Variants in STRC observed in about 807,000 individuals in gnomAD.
STRC encodes stereocilin.
Under a neutral mutation model 103.5 loss-of-function variants are expected in STRC, and 43 were observed. That is an observed-to-expected ratio of 0.42 (90% CI 0.33 to 0.54). The LOEUF is 0.54. Ranked by LOEUF, STRC falls within the 20% of genes least tolerant of loss-of-function variation. The probability of loss-of-function intolerance (pLI) is 0.14; values close to 1 mark genes in which losing one functional copy is unlikely to be tolerated. For synonymous variants in STRC, 186 were observed against 442.3 expected, an observed-to-expected ratio of 0.42 and a Z score of 7.27; for missense variants, 499 against 1,088.5, an observed-to-expected ratio of 0.46 and a Z score of 7.62.
rs764395901 is a variant in STRC at position 43,604,199 on chromosome 15, G to A, written c.4219-47C>T. On this transcript the variant is annotated intron_variant, in intron 21 of 28. Transcript: ENST00000450892. ...GAGTGGGGAGATCTGGACAGATCAG[G>A]ACCTGCTGCTATAGCTCTAAGTCCA... is the stretch of plus-strand genomic sequence containing the variant. 3.7e-6 allele frequency: 6 copies of A among 1,606,458 alleles called. No homozygotes were observed. In the Admixed American group the frequency reaches 6.7e-5, roughly 18 times the overall value.
rs151185026 is a variant in STRC, at chr15:43,603,497, C to A, written c.4376-86G>T. 1,168 of 1,408,990 alleles carry A rather than the reference C, an allele frequency of 8.3e-4. 15 individuals carry two copies. The African/African-American group carries it at 0.014, about 17-fold the overall frequency. 87.3% of individuals were successfully genotyped at this position (1,408,990 alleles called of 1,614,324 possible). ...TCTGTAGATAGAGTGAGTCTTCCAA[C>A]CTTTGGAGGATAGAGCACTGTGAGA... On this transcript the variant is annotated intron_variant, in intron 22 of 28. Transcript: ENST00000450892.
At position 43,600,879 on chromosome 15, in the gene STRC, C is replaced by G. The variant is rs769443188; in HGVS notation, c.4837G>C (p.Glu1613Gln). Residue 1613 changes from glutamate (E) to glutamine (Q), a missense_variant, in exon 25 of 29, where the codon GAG becomes CAG. Physicochemically the swap from Glu to Gln is conservative, Grantham distance 29. Coordinates refer to ENST00000450892, the MANE Select transcript of STRC (RefSeq NM_153700.2). ...PEELQHISSWEFSQAALFLGT... is the reference protein window; with the variant it reads ...PEELQHISSWQFSQAALFLGT... ...AGCCCCTTCACAAATGACCTGAACT[C>G]CCAACTGCTGATGTGCTGGAGCTCC... is the stretch of plus-strand genomic sequence containing the variant. 2.5e-6 allele frequency: 4 copies of G among 1,613,314 alleles called. 1 individual carries two copies. The South Asian group carries it at 4.4e-5, about 18-fold the overall frequency.
At chr15:43,601,307 A>G in intron 24 of STRC, 89 bp downstream of exon 24, 5 of 1,586,986 alleles carry the variant, frequency 3.2e-6, no homozygotes, top group Non-Finnish European at 4.3e-6. Context: ...GGGTCACAGG[A>G]AAAAAATTCC....
At position 43,599,572 on chromosome 15, in the gene STRC, T is replaced by C. The variant is rs1489345837; in HGVS notation, c.*100A>G. 1.9e-6 allele frequency: 1 copy of C among 513,182 alleles called. No individual in the cohort carries two copies. Among genetic ancestry groups the C allele is most frequent in the African/African-American group, 2.4e-5 (1 of 41,136 alleles). 31.8% of individuals were successfully genotyped at this position (513,182 alleles called of 1,614,324 possible). On this transcript the variant is annotated 3_prime_UTR_variant, in exon 29 of 29. Coordinates refer to ENST00000450892, the MANE Select transcript of STRC (RefSeq NM_153700.2). Reference sequence around the variant, plus strand: ...ATTAACATTTTACCCATATTCCTCATCAGCTTCTGAAAATAATCAGGATGC... The same window carrying C: ...ATTAACATTTTACCCATATTCCTCACCAGCTTCTGAAAATAATCAGGATGC...
At position 43,601,700 on chromosome 15, in the gene STRC, C is replaced by G. The variant is rs887616424; in HGVS notation, c.4546-149G>C. ...AGTTTCCTCCACTATAAAATGAGACCGTTGCCTTACAGTTCCTCTAAGGTG... is the reference window on the plus strand; with the variant it reads ...AGTTTCCTCCACTATAAAATGAGACGGTTGCCTTACAGTTCCTCTAAGGTG... On this transcript the variant is annotated intron_variant, in intron 23 of 28. Transcript: ENST00000450892. 6.6e-5 allele frequency: 53 copies of G among 798,148 alleles called. 1 individual carries two copies. The African/African-American group carries it at 7.8e-4, about 12-fold the overall frequency. 49.4% of individuals were successfully genotyped at this position (798,148 alleles called of 1,614,324 possible).
At position 43,600,991 on chromosome 15, in the gene STRC, G is replaced by A. The variant is rs944428663; in HGVS notation, c.4725C>T (p.Phe1575=). 1.4e-6 allele frequency: 2 copies of A among 1,452,180 alleles called. No homozygotes were observed. Among genetic ancestry groups the A allele is most frequent in the Non-Finnish European group, 1.9e-6 (2 of 1,073,668 alleles). 90.0% of individuals were successfully genotyped at this position (1,452,180 alleles called of 1,614,324 possible). A position where few individuals can be genotyped will look rare whatever the true frequency, so the allele number is the denominator to read the frequency against. ...TCACATGCCGACCACTCTGCCGTAG[G>A]AAACTGGAGACCACAATGCGGAGCT... ...TTQLRIVVSS[F]LRQSGRHVSH... Residue 1575 remains phenylalanine, a synonymous_variant, in exon 25 of 29, where the codon TTC becomes TTT. Transcript: ENST00000450892.
chr15:43,605,628 G>GAAAAAAAAAAAAAAAAA (rs1567118044), intron 18 of STRC, among the ~76,000 whole-genome samples: 2 of 136,104 alleles, frequency 1.5e-5, no homozygotes, highest in African/African-American at 5.9e-5. Flanking sequence ...AAAAAATAAC[G>GAAAAAAAAAAAAAAAAA]AACAATCCTA....
At chr15:43,601,683 C>A in intron 23 of STRC, 132 bp from the exon 24 acceptor site, 1 of 941,918 alleles carries the variant, frequency 1.1e-6, no homozygotes, top group South Asian at 1.4e-5. Flanking sequence ...TTAGTTTCCT[C>A]CACTATAAAA....
chr15:43,602,782 C>A (rs1379542903), intron 23 of STRC: 1 of 204,442 alleles, frequency 4.9e-6, no homozygotes, highest in Non-Finnish European at 1.0e-5. Flanking sequence ...GTAGCTGGGA[C>A]AACAAGTGTG....
chr15:43,604,252 C>T (rs1203174905), intron 21 of STRC, 100 bp from the exon 22 acceptor site: 2 of 1,594,064 alleles, frequency 1.3e-6, no homozygotes, highest in African/African-American at 2.7e-5. Context: ...TGCAGTCTCC[C>T]CCCAGATCTA....
chr15:43,603,814 T>C (rs1300325908), intron 22 of STRC, among the ~76,000 whole-genome samples, 182 bp downstream of exon 22: 3 of 151,912 alleles, frequency 2.0e-5, no homozygotes, highest in Non-Finnish European at 4.4e-5. Context: ...GAAAACTTAA[T>C]AGTTTACAAA....
chr15:43,601,227 G>A (rs1176052670), intron 24 of STRC, among the ~76,000 whole-genome samples, 169 bp downstream of exon 24: 1 of 151,874 alleles, frequency 6.6e-6, no homozygotes, highest in African/African-American at 2.4e-5. Context: ...GGGCCTCAGA[G>A]TGAATAAATC....
At position 43,609,303 on chromosome 15, in the gene STRC, G is replaced by T. The variant is rs1437289067; in HGVS notation, c.3530C>A (p.Pro1177His). ...AQFLWKKMQV[P>H]TNLTLRNLQA... ...CAGATTCCTGAGGGTAAGGTTGGTG[G>T]GTACTTGCATCTTCTTCCAGAGAAA... Residue 1177 changes from proline to histidine, a missense_variant, in exon 16 of 29, where the codon CCC (proline) becomes CAC (histidine). Physicochemically the swap from Pro to His is moderately conservative, Grantham distance 77 (BLOSUM62 -2). Coordinates refer to ENST00000450892, the MANE Select transcript of STRC (RefSeq NM_153700.2). The T allele has an allele frequency of 6.2e-7, 1 of 1,610,154 alleles. No homozygotes were observed. The highest frequency in any genetic ancestry group is 8.5e-7 in the Non-Finnish European group (1 of 1,179,414).
chr15:43,603,761 A>G (rs894571660), intron 22 of STRC, among the ~76,000 whole-genome samples: 2 of 151,958 alleles, frequency 1.3e-5, no homozygotes, highest in African/African-American at 4.8e-5. Context: ...CTGAGTCTAG[A>G]GCAGACACGA....
intron 16 of STRC, among the ~76,000 whole-genome samples, chr15:43,608,673 C>A (rs2085727913): frequency 1.5e-5 from 2 of 132,476 alleles, no homozygotes; most frequent in Non-Finnish European, 3.2e-5. Flanking sequence ...TTGCAGTGAG[C>A]CGAAATCGCG....
At position 43,600,647 on chromosome 15, in the gene STRC, T is replaced by G; in HGVS notation, c.4880A>C (p.Gln1627Pro). ...AACCTCCAGTTGTTCCTCAGAGCAC[T>G]GGAGATGCAGGGTGCCGAGGAAGAG... ...AALFLGTLHL[Q>P]CSEEQLEVLA... The change falls in exon 26 of 29, where the codon CAG becomes CCG. Residue 1627 changes from glutamine (Q) to proline (P), a missense_variant. Gln to Pro is a moderately conservative substitution (Grantham distance 76). Transcript: ENST00000450892. The G allele has an allele frequency of 6.2e-7, 1 of 1,613,620 alleles. No individual in the cohort carries two copies. Among genetic ancestry groups the G allele is most frequent in the Non-Finnish European group, 8.5e-7 (1 of 1,179,812 alleles).
rs144626173 is a variant in STRC, at chr15:43,605,377, A to G, written c.3817T>C (p.Ser1273Pro). ...DLPIQLMDRLSNESIMLVVEL... is the reference protein window; with the variant it reads ...DLPIQLMDRLPNESIMLVVEL... ...ACCACCAACATAATGGATTCATTGG[A>G]TAGTCTGTCCATCAACTGGATCCTA... The change falls in exon 19 of 29, where the codon TCC becomes CCC. Residue 1273 changes from serine to proline, a missense_variant. Transcript: ENST00000450892. The G allele has an allele frequency of 2.7e-5, 43 of 1,601,414 alleles. No homozygotes were observed. The African/African-American group carries it at 4.8e-4, about 18-fold the overall frequency.
rs141841779 is a variant in STRC, at chr15:43,603,256, C to G, written c.4531G>C (p.Gly1511Arg). 6.2e-7 allele frequency: 1 copy of G among 1,613,478 alleles called. No homozygotes were observed. Among genetic ancestry groups the G allele is most frequent in the African/African-American group, 1.3e-5 (1 of 74,830 alleles). The change falls in exon 23 of 29, where the codon GGC becomes CGC. Residue 1511 changes from glycine to arginine, a missense_variant. By Grantham distance (125) the Gly-to-Arg change is moderately radical (BLOSUM62 -2). Coordinates refer to ENST00000450892, the MANE Select transcript of STRC (RefSeq NM_153700.2). ...CCATCCCTAACCTGTTTTGCTTTGC[C>G]CATGGCTGCCCGCAGTTCCTCAGGC... ...LGPEELRAAM[G>R]KAKQLWGPPR...
intron 23 of STRC, among the ~76,000 whole-genome samples, chr15:43,601,833 C>G (rs2085671394): frequency 6.6e-6 from 1 of 151,844 alleles, no homozygotes; most frequent in African/African-American, 2.4e-5. Context: ...AAAACAGATG[C>G]CTAGGGCCCA....
Sources: allele counts gnomAD v4.1 joint callset (sites outside exome capture counted in the v4.1 genomes callset), GRCh38; gene constraint gnomAD v4.1.1; transcripts MANE v1.5; gene names NCBI Gene and HGNC (gene_info 2026-07-23, HGNC 2026-07-21).